CCSER1: variants seen among roughly 807,000 people sequenced by gnomAD.
CCSER1 encodes coiled-coil serine rich protein 1.
CCSER1 carries 41 observed loss-of-function variants against 82.0 expected under a neutral mutation model. That is an observed-to-expected ratio of 0.50 (90% confidence interval 0.39 to 0.65). The LOEUF (loss-of-function observed/expected upper bound fraction) is 0.65, where lower values mean the gene tolerates loss of function less well. CCSER1 is among the 30% of genes least tolerant of loss of function. The pLI, the probability that CCSER1 is intolerant of heterozygous loss-of-function variation, is 0.00. For synonymous variants in CCSER1, 414 were observed against 383.9 expected (o/e 1.08, Z -0.92); for missense variants, 1,119 against 1,064.2 (o/e 1.05, Z -0.72).
chr4:91,506,854 AT>A (rs754518478), intron 10 of CCSER1, among the ~76,000 whole-genome samples: 37 of 152,176 alleles, frequency 2.4e-4, no homozygotes, highest in Admixed American at 2.0e-3. Flanking sequence ...GTCTCAATGA[AT>A]TTGCCTATTT....
chr4:91,229,135 C>T (rs572643237), intron 10 of CCSER1, among the ~76,000 whole-genome samples: 11 of 151,878 alleles, frequency 7.2e-5, no homozygotes, highest in East Asian at 1.9e-4. Flanking sequence ...TTGTGATGAA[C>T]GAGGAAAGGT....
intron 8 of CCSER1, among the ~76,000 whole-genome samples, chr4:90,901,684 C>A (rs1724679736): frequency 6.6e-6 from 1 of 151,898 alleles, no homozygotes; most frequent in Non-Finnish European, 1.5e-5. Flanking sequence ...TTATGGGTAA[C>A]TTGTCCCTTT....
chr4:90,836,925 T>C (rs1345979465), intron 8 of CCSER1, among the ~76,000 whole-genome samples: 1 of 152,224 alleles, frequency 6.6e-6, no homozygotes, highest in African/African-American at 2.4e-5. Flanking sequence ...AGCAAAAATG[T>C]ACCAGTGTGG....
Position 90,792,718 on chromosome 4 carries a change from C to A in CCSER1, c.2011-23044C>A, listed in dbSNP as rs532735202. On this transcript the variant is annotated intron_variant, in intron 7 of 10. Coordinates refer to ENST00000509176, the MANE Select transcript of CCSER1 (RefSeq NM_001145065.2). Reference sequence around the variant, plus strand: ...CCATGCAATAGGTTGCACGTCGGGGCAGGATAGCAGCAAGCTGGAGCTGAG... The same window carrying A: ...CCATGCAATAGGTTGCACGTCGGGGAAGGATAGCAGCAAGCTGGAGCTGAG... Among the ~76,000 whole-genome samples, 9 of 152,312 alleles carry A rather than the reference C, an allele frequency of 5.9e-5. No individual in the cohort carries two copies. In the South Asian group the frequency reaches 8.3e-4, roughly 14 times the overall value.
At chr4:91,155,716 A>G (rs1268724383) in intron 10 of CCSER1, among the ~76,000 whole-genome samples, 1 of 151,972 alleles carries the variant, frequency 6.6e-6, no homozygotes, top group Non-Finnish European at 1.5e-5. Context: ...TATTCTATTA[A>G]TCTCTTGCAG....
At position 91,164,720 on chromosome 4, in the gene CCSER1, A is replaced by T. The variant is rs538713430; in HGVS notation, c.2217+78726A>T. On this transcript the variant is annotated intron_variant, in intron 10 of 10. Transcript: ENST00000509176. The stretch of plus-strand genomic sequence containing the variant: ...GATACCCTTTCTTCCACTTGATTGA[A>T]TTGGCTTTTGAAGGTTGTGCATGCA... Among the ~76,000 whole-genome samples, 4 of 152,194 alleles carry T rather than the reference A, an allele frequency of 2.6e-5. No homozygotes were observed. In the South Asian group the frequency reaches 8.3e-4, roughly 32 times the overall value.
intron 8 of CCSER1, among the ~76,000 whole-genome samples, chr4:90,892,469 G>T (rs938939674): frequency 6.6e-6 from 1 of 151,868 alleles, no homozygotes; most frequent in Non-Finnish European, 1.5e-5. Flanking sequence ...TATTTATTAG[G>T]TATATATTAT....
At chr4:91,434,079 A>G (rs1754494422) in intron 10 of CCSER1, among the ~76,000 whole-genome samples, 1 of 152,218 alleles carries the variant, frequency 6.6e-6, no homozygotes, top group Non-Finnish European at 1.5e-5. Flanking sequence ...CTGAGCACAC[A>G]GTCTTGAATT....
At chr4:90,646,451 A>G (rs563524524) in intron 6 of CCSER1, among the ~76,000 whole-genome samples, 3 of 152,076 alleles carry the variant, frequency 2.0e-5, no homozygotes, top group Non-Finnish European at 4.4e-5. Flanking sequence ...ATAGACCTAA[A>G]AAACAAACAC....
chr4:90,841,810 AGT>A (rs1252596835), intron 8 of CCSER1, among the ~76,000 whole-genome samples: 1 of 152,102 alleles, frequency 6.6e-6, no homozygotes, highest in Non-Finnish European at 1.5e-5. Context: ...GTACTCTGGA[AGT>A]GTGTCTGACT....
At chr4:91,033,329 G>A (rs1291744886) in intron 9 of CCSER1, among the ~76,000 whole-genome samples, 1 of 152,112 alleles carries the variant, frequency 6.6e-6, no homozygotes, top group African/African-American at 2.4e-5. Flanking sequence ...AAAGGAGCTG[G>A]AATTTTCTTA....
rs1236505965 is a variant in CCSER1 at position 90,308,299 on chromosome 4, A to T, written c.15A>T (p.Gly5=). 6.3e-7 allele frequency: 1 copy of T among 1,583,096 alleles called. No homozygotes were observed. Among genetic ancestry groups the T allele is most frequent in the East Asian group, 2.3e-5 (1 of 43,974 alleles). MGDS[G]SRRSTLVSRL... Reference sequence around the variant, plus strand: ...TTTGATTCCCAATGGGGGACTCAGGATCAAGACGATCTACCCTGGTCTCCC... The same window carrying T: ...TTTGATTCCCAATGGGGGACTCAGGTTCAAGACGATCTACCCTGGTCTCCC... Residue 5 remains glycine (G), a synonymous_variant, in exon 2 of 11, where the codon GGA becomes GGT. Transcript: ENST00000509176.
At chr4:90,740,638 A>G in intron 7 of CCSER1, among the ~76,000 whole-genome samples, 1 of 152,222 alleles carries the variant, frequency 6.6e-6, no homozygotes, top group Non-Finnish European at 1.5e-5. Context: ...ACTTGTCAAC[A>G]TTAATACATA....
chr4:90,488,754 A>C (rs1022538928), intron 5 of CCSER1, among the ~76,000 whole-genome samples: 1 of 152,240 alleles, frequency 6.6e-6, no homozygotes, highest in Non-Finnish European at 1.5e-5. Context: ...GACATCTGTC[A>C]CTTCAATTGT....
intron 1 of CCSER1, among the ~76,000 whole-genome samples, chr4:90,300,131 C>G (rs775800836): frequency 1.3e-5 from 2 of 152,046 alleles, no homozygotes; most frequent in Admixed American, 6.6e-5. Flanking sequence ...CTAAACACTT[C>G]AAGTATTGAT....
At chr4:90,197,586 G>A (rs1560781612) in intron 1 of CCSER1, among the ~76,000 whole-genome samples, 1 of 152,130 alleles carries the variant, frequency 6.6e-6, no homozygotes, top group Non-Finnish European at 1.5e-5. Context: ...ACACTGTGGA[G>A]TACTATTCTG....
intron 6 of CCSER1, among the ~76,000 whole-genome samples, chr4:90,711,611 C>A (rs1309008442): frequency 2.0e-5 from 3 of 151,948 alleles, no homozygotes; most frequent in Non-Finnish European, 4.4e-5. Context: ...CACTTTTGTT[C>A]TGTTTATGTG....
intron 9 of CCSER1, among the ~76,000 whole-genome samples, chr4:90,978,008 G>T (rs530021682): frequency 1.3e-5 from 2 of 151,572 alleles, no homozygotes; most frequent in Admixed American, 1.3e-4. Flanking sequence ...TATATTAGGG[G>T]TTTCTGATAT....
At chr4:91,182,303 C>A (rs1427771692) in intron 10 of CCSER1, among the ~76,000 whole-genome samples, 1 of 152,140 alleles carries the variant, frequency 6.6e-6, no homozygotes, top group Non-Finnish European at 1.5e-5. Flanking sequence ...TAATCTCTAC[C>A]CCAAGTTATT....
Sources: allele counts gnomAD v4.1 joint callset (sites outside exome capture counted in the v4.1 genomes callset), GRCh38; gene constraint gnomAD v4.1.1; transcripts MANE v1.5; gene names NCBI Gene and HGNC (gene_info 2026-07-23, HGNC 2026-07-21).